Variants in TYW1 observed in about 807,000 individuals in gnomAD.
TYW1 encodes the protein S-adenosyl-L-methionine-dependent tRNA 4-demethylwyosine synthase TYW1.
TYW1 carries 46 observed loss-of-function variants against 96.2 expected under a neutral mutation model. The observed-to-expected ratio is 0.48, with a 90% CI of 0.38 to 0.61. TYW1 has a LOEUF of 0.61. Ranked by LOEUF, TYW1 falls within the 20% of genes least tolerant of loss-of-function variation. The pLI, the probability that TYW1 is intolerant of heterozygous loss-of-function variation, is 0.00. For synonymous variants in TYW1, 274 were observed against 323.0 expected (o/e 0.85, Z 1.63); for missense variants, 684 against 909.6 (o/e 0.75, Z 3.19).
intron 12 of TYW1, among the ~76,000 whole-genome samples, chr7:67,112,628 A>AG (rs1166513217): frequency 1.3e-5 from 2 of 151,950 alleles, no homozygotes; most frequent in Non-Finnish European, 2.9e-5. Flanking sequence ...AAAAAAAAAA[A>AG]AAAGAAAACA....
intron 13 of TYW1, among the ~76,000 whole-genome samples, chr7:67,139,691 C>G (rs576445780): frequency 6.6e-6 from 1 of 150,506 alleles, no homozygotes; most frequent in Non-Finnish European, 1.5e-5. Flanking sequence ...CCCAGAAATA[C>G]AGAAGGCTAA....
At chr7:67,126,925 C>T (rs1797929011) in intron 13 of TYW1, among the ~76,000 whole-genome samples, 1 of 151,878 alleles carries the variant, frequency 6.6e-6, no homozygotes, top group African/African-American at 2.4e-5. Flanking sequence ...ATTTGTTGGT[C>T]TTGTTCTTTG....
chr7:67,112,100 C>CAAAAAAAAAAAAAAAAAAAAAAAAAAA (rs538839042), intron 12 of TYW1, among the ~76,000 whole-genome samples: 5 of 94,882 alleles, frequency 5.3e-5, no homozygotes, highest in Admixed American at 1.4e-4. Flanking sequence ...CTCTGTCTGA[C>CAAAAAAAAAAAAAAAAAAAAAAAAAAA]AAAAAAAAAA....
chr7:67,022,662 T>C (rs956963254), intron 6 of TYW1, among the ~76,000 whole-genome samples: 1 of 152,228 alleles, frequency 6.6e-6, no homozygotes, highest in Non-Finnish European at 1.5e-5. Flanking sequence ...GTGGTGTACT[T>C]GTCTCTTCTT....
At chr7:67,222,871 T>C (rs143762330) in intron 15 of TYW1, among the ~76,000 whole-genome samples, 13,954 of 148,732 alleles carry the variant, frequency 0.094, 647 homozygotes, top group Middle Eastern at 0.14. Flanking sequence ...TTTTTCTTTT[T>C]TTTTTTTTTT....
intron 13 of TYW1, among the ~76,000 whole-genome samples, chr7:67,179,846 A>AAT (rs748335778): frequency 0.11 from 13,040 of 115,960 alleles, 2,664 homozygotes; most frequent in African/African-American, 0.17. Context: ...AATCATTAGG[A>AAT]ATATATATAT....
chr7:67,157,667 C>T (rs1799027216), intron 13 of TYW1, among the ~76,000 whole-genome samples: 1 of 152,156 alleles, frequency 6.6e-6, no homozygotes, highest in Non-Finnish European at 1.5e-5. Context: ...CTTTTATATT[C>T]CAGGATCCCA....
Position 67,200,422 on chromosome 7 carries a change from C to G in TYW1, c.1977+5085C>G, listed in dbSNP as rs573126933. Among the ~76,000 whole-genome samples, 84 of 152,044 alleles carry G rather than the reference C, an allele frequency of 5.5e-4. 1 individual carries two copies. Among genetic ancestry groups the G allele is most frequent in the Admixed American group, 3.6e-3 (55 of 15,288 alleles). On this transcript the variant is annotated intron_variant, in intron 15 of 15. Coordinates refer to ENST00000359626, the MANE Select transcript of TYW1 (RefSeq NM_018264.4). ...GCCTCACAATAATGGTGGAAGGCACCTCTTACATGGTGTTAGACGAGAGAA... is the reference window on the plus strand; with the variant it reads ...GCCTCACAATAATGGTGGAAGGCACGTCTTACATGGTGTTAGACGAGAGAA...
intron 3 of TYW1, among the ~76,000 whole-genome samples, chr7:67,002,610 C>T (rs2129237186): frequency 6.6e-6 from 1 of 151,696 alleles, no homozygotes; most frequent in Admixed American, 6.6e-5. Context: ...GGGAAGGTGA[C>T]TATTTGGATC....
At chr7:67,230,652 C>CTTTTTTTTTTTTTTTTTTTTTTTTTTTTT (rs34585182) in intron 15 of TYW1, among the ~76,000 whole-genome samples, 1 of 119,560 alleles carries the variant, frequency 8.4e-6, no homozygotes, top group Non-Finnish European at 1.7e-5. Flanking sequence ...CTTATTATCT[C>CTTTTTTTTTTTTTTTTTTTTTTTTTTTTT]TTTTTTTTTT....
intron 13 of TYW1, among the ~76,000 whole-genome samples, chr7:67,182,537 C>T (rs1018863275): frequency 7.2e-6 from 1 of 138,306 alleles, no homozygotes; most frequent in African/African-American, 2.9e-5. Flanking sequence ...GCACTCCAGC[C>T]TGGAGGGCGA....
At chr7:67,175,911 G>T (rs1240723000) in intron 13 of TYW1, among the ~76,000 whole-genome samples, 1 of 152,132 alleles carries the variant, frequency 6.6e-6, no homozygotes, top group Non-Finnish European at 1.5e-5. Flanking sequence ...CAAAGTTCTG[G>T]CTAGTGCTAA....
intron 13 of TYW1, among the ~76,000 whole-genome samples, chr7:67,154,950 C>CT (rs1431509026): frequency 1.3e-5 from 2 of 152,222 alleles, no homozygotes; most frequent in East Asian, 3.9e-4. Flanking sequence ...TTCTTCCACT[C>CT]TAATCTCTTG....
chr7:67,052,205 C>T lies in TYW1; in HGVS notation c.1102+2139C>T, dbSNP rs561113936. The stretch of plus-strand genomic sequence containing the variant: ...GTGGATTTATGGTCTTCATGAAATT[C>T]GGACAAATTTTGGCCATTATTTCTT... On this transcript the variant is annotated intron_variant, in intron 8 of 15. Transcript: ENST00000359626. Among the ~76,000 whole-genome samples the T allele has an allele frequency of 1.8e-4, 28 of 152,150 alleles. 1 individual carries two copies. The South Asian group carries it at 1.9e-3, about 10-fold the overall frequency.
chr7:67,026,458 G>A (rs1461360863), intron 7 of TYW1, among the ~76,000 whole-genome samples: 1 of 152,108 alleles, frequency 6.6e-6, no homozygotes, highest in African/African-American at 2.4e-5. Flanking sequence ...AAGTGGACTC[G>A]AACAAATGGA....
chr7:67,002,437 G>A (rs1202555324), intron 3 of TYW1, among the ~76,000 whole-genome samples: 3 of 152,128 alleles, frequency 2.0e-5, no homozygotes, highest in Non-Finnish European at 2.9e-5. Context: ...ATTTGGTCGT[G>A]TGTAGAAGAC....
intron 10 of TYW1, among the ~76,000 whole-genome samples, chr7:67,072,998 G>A (rs1442516805): frequency 7.6e-6 from 1 of 130,968 alleles, no homozygotes; most frequent in Non-Finnish European, 1.5e-5. Flanking sequence ...TTCTCAAGCT[G>A]GTCTCAAACT....
intron 5 of TYW1, among the ~76,000 whole-genome samples, 153 bp downstream of exon 5, chr7:67,014,714 C>A (rs1295912298): frequency 2.6e-5 from 4 of 152,090 alleles, no homozygotes; most frequent in Non-Finnish European, 5.9e-5. Flanking sequence ...GTAATAAATA[C>A]ATTTCTTCTA....
At chr7:67,194,650 AG>A (rs1462991438) in intron 14 of TYW1, among the ~76,000 whole-genome samples, 1 of 146,276 alleles carries the variant, frequency 6.8e-6, no homozygotes, top group African/African-American at 2.6e-5. Flanking sequence ...ATAATTTTAA[AG>A]GGATCCTTAT....
Sources: gnomAD v4.1 joint callset for allele counts (sites outside exome capture counted in the v4.1 genomes callset) on GRCh38, gnomAD v4.1.1 for gene constraint, MANE v1.5 for transcripts, NCBI Gene and HGNC (gene_info 2026-07-23, HGNC 2026-07-21) for gene names.